EML6: variants seen among roughly 807,000 people sequenced by gnomAD.
The protein encoded by EML6 is echinoderm microtubule-associated protein-like 6.
Under a neutral mutation model 240.1 loss-of-function variants are expected in EML6, and 154 were observed. The observed-to-expected ratio is 0.64, with a 90% CI of 0.56 to 0.73. EML6 has a LOEUF of 0.73. Ranked by LOEUF, EML6 falls within the 30% of genes least tolerant of loss-of-function variation. The pLI, the probability that EML6 is intolerant of heterozygous loss-of-function variation, is 0.00. For synonymous variants in EML6, 1,148 were observed against 899.0 expected (o/e 1.28, Z -4.95); for missense variants, 2,964 against 2,474.6 (o/e 1.20, Z -4.20).
chr2:54,922,222 C>G (rs1359913681), intron 26 of EML6, among the ~76,000 whole-genome samples: 1 of 152,096 alleles, frequency 6.6e-6, no homozygotes, highest in East Asian at 1.9e-4. Context: ...ATAGCAATAA[C>G]TATGATTTTA....
chr2:54,962,083 GTTTTTT>G (rs533390678), intron 35 of EML6, among the ~76,000 whole-genome samples: 2 of 132,270 alleles, frequency 1.5e-5, no homozygotes, highest in South Asian at 2.5e-4. Context: ...CAAGTTACTT[GTTTTTT>G]TTTTTTTTTT....
chr2:54,955,086 G>A (rs1320007010), intron 32 of EML6, among the ~76,000 whole-genome samples: 1 of 152,204 alleles, frequency 6.6e-6, no homozygotes, highest in African/African-American at 2.4e-5. Flanking sequence ...CATTTGTAAT[G>A]ATACCATATT....
chr2:54,809,962 C>G (rs538648334), intron 2 of EML6, among the ~76,000 whole-genome samples: 6 of 152,008 alleles, frequency 3.9e-5, no homozygotes, highest in African/African-American at 9.7e-5. Context: ...GGAAAGGTAA[C>G]AAATAGTAAA....
At chr2:54,792,988 C>T (rs1251616246) in intron 2 of EML6, among the ~76,000 whole-genome samples, 1 of 152,148 alleles carries the variant, frequency 6.6e-6, no homozygotes, top group Non-Finnish European at 1.5e-5. Context: ...GATCTTTAGG[C>T]TTGGTGGAGT....
chr2:54,736,531 C>G (rs958441370), intron 2 of EML6, among the ~76,000 whole-genome samples: 5 of 152,240 alleles, frequency 3.3e-5, no homozygotes, highest in African/African-American at 1.2e-4. Context: ...TTAGTTGTCT[C>G]CATTTACTGC....
rs1250918286 is a variant in EML6 at position 54,903,117 on chromosome 2, G to C, written c.3198G>C (p.Val1066=). 1.2e-5 allele frequency: 19 copies of C among 1,551,610 alleles called. 1 individual carries two copies. Among genetic ancestry groups the C allele is most frequent in the Non-Finnish European group, 3.5e-6 (4 of 1,146,914 alleles). Residue 1066 remains valine, a synonymous_variant, in exon 23 of 42, where the codon GTG becomes GTC. Coordinates refer to ENST00000356458, the MANE Select transcript of EML6 (RefSeq NM_001039753.4). ...AVGLNDGSFL[V]VNADTVEDMV... ...GCTTGAACGATGGGAGTTTCCTGGT[G>C]GTAAATGCTGACACTGTTGAAGACA...
chr2:54,767,531 G>A (rs1364657985), intron 2 of EML6, among the ~76,000 whole-genome samples: 1 of 150,986 alleles, frequency 6.6e-6, no homozygotes, highest in African/African-American at 2.4e-5. Context: ...TTGCAATTTA[G>A]TTCTGTGTAT....
At chr2:54,836,169 T>G (rs113588269) in intron 7 of EML6, among the ~76,000 whole-genome samples, 1,864 of 152,230 alleles carry the variant, frequency 0.012, 28 homozygotes, top group African/African-American at 0.038. Context: ...GGTGTCACTG[T>G]GTGCGCAAGT....
intron 18 of EML6, 63 bp downstream of exon 18, chr2:54,891,217 C>T: frequency 3.8e-6 from 3 of 799,868 alleles, no homozygotes; most frequent in Non-Finnish European, 5.9e-6. Context: ...GAAAGAAAAA[C>T]AAAACAAACT....
At chr2:54,781,087 C>T (rs1190006439) in intron 2 of EML6, among the ~76,000 whole-genome samples, 1 of 152,180 alleles carries the variant, frequency 6.6e-6, no homozygotes, top group Non-Finnish European at 1.5e-5. Flanking sequence ...TTACTACCTG[C>T]CTGCATTGCT....
chr2:54,793,862 T>A (rs1669607391), intron 2 of EML6, among the ~76,000 whole-genome samples: 1 of 152,126 alleles, frequency 6.6e-6, no homozygotes, highest in African/African-American at 2.4e-5. Context: ...CCAGCCTAGG[T>A]CTTTTCTCTT....
chr2:54,784,920 G>C (rs1669009984), intron 2 of EML6, among the ~76,000 whole-genome samples: 1 of 152,132 alleles, frequency 6.6e-6, no homozygotes. Context: ...CTGTTTACAG[G>C]ATGAATTGTC....
chr2:54,862,042 T>C (rs906179306), intron 12 of EML6, among the ~76,000 whole-genome samples: 1 of 152,022 alleles, frequency 6.6e-6, no homozygotes, highest in Non-Finnish European at 1.5e-5. Flanking sequence ...TGAAATACTT[T>C]CTCTGAGGAT....
At chr2:54,809,465 C>T (rs1276586222) in intron 2 of EML6, among the ~76,000 whole-genome samples, 1 of 152,092 alleles carries the variant, frequency 6.6e-6, no homozygotes, top group African/African-American at 2.4e-5. Flanking sequence ...GCATCACAGT[C>T]CCTCAATTAT....
chr2:54,850,017 A>C lies in EML6; in HGVS notation c.1243A>C (p.Lys415Gln), dbSNP rs1170801294. The change falls in exon 10 of 42, where the codon AAA becomes CAA. Residue 415 changes from lysine (K) to glutamine (Q), a missense_variant. Coordinates refer to ENST00000356458, the MANE Select transcript of EML6 (RefSeq NM_001039753.4). ...KDRKEVIHEM[K>Q]FSPDGSYLAV... ...TCGAAAAGAAGTCATTCATGAAATG[A>C]AATTTTCTCCAGATGGTTCTTACCT... The C allele has an allele frequency of 6.4e-7, 1 of 1,551,716 alleles. No homozygotes were observed. The highest frequency in any genetic ancestry group is 1.4e-5 in the African/African-American group (1 of 73,178).
At chr2:54,810,300 A>G (rs1338174240) in intron 2 of EML6, among the ~76,000 whole-genome samples, 2 of 152,216 alleles carry the variant, frequency 1.3e-5, no homozygotes, top group Non-Finnish European at 2.9e-5. Context: ...GCATAAAAAT[A>G]CTTTAAATCC....
At chr2:54,924,371 T>C (rs547696826) in intron 26 of EML6, among the ~76,000 whole-genome samples, 1 of 29,768 alleles carries the variant, frequency 3.4e-5, no homozygotes, top group East Asian at 8.3e-4. Flanking sequence ...CTTTGTCATC[T>C]ATTTACTATT....
chr2:54,887,443 C>A (rs974190414), intron 17 of EML6, among the ~76,000 whole-genome samples: 1 of 152,076 alleles, frequency 6.6e-6, no homozygotes, highest in African/African-American at 2.4e-5. Context: ...CTATAACTTG[C>A]TGATTTTTTT....
In EML6 at chr2:54,899,795, A is replaced by G. The variant is rs1295703581; in HGVS notation, c.3124+13A>G. On this transcript the variant is annotated intron_variant, in intron 22 of 41. Coordinates refer to ENST00000356458, the MANE Select transcript of EML6 (RefSeq NM_001039753.4). Reference sequence around the variant, plus strand: ...AAACTCAAAAAAGGTACATAACACCACCTTACACATCTGTCAGAGTATTTA... The same window carrying G: ...AAACTCAAAAAAGGTACATAACACCGCCTTACACATCTGTCAGAGTATTTA... The G allele has an allele frequency of 9.1e-6, 14 of 1,545,844 alleles. No individual in the cohort carries two copies. Among genetic ancestry groups the G allele is most frequent in the Admixed American group, 2.0e-5 (1 of 50,314 alleles).
Sources: gnomAD v4.1 joint callset for allele counts (sites outside exome capture counted in the v4.1 genomes callset) on GRCh38, gnomAD v4.1.1 for gene constraint, MANE v1.5 for transcripts, NCBI Gene and HGNC (gene_info 2026-07-23, HGNC 2026-07-21) for gene names.